KNSTRN: variants seen among roughly 807,000 people sequenced by gnomAD.
The protein encoded by KNSTRN is small kinetochore-associated protein.
In KNSTRN, 38 loss-of-function variants were observed where a neutral mutation model predicts 44.7. The ratio of observed to expected loss-of-function variants is 0.85; its 90% CI spans 0.66 to 1.11. The LOEUF (loss-of-function observed/expected upper bound fraction) is 1.11. Among genes scored for constraint, KNSTRN ranks in the 50% most tolerant of loss-of-function variants. KNSTRN has a pLI of 0.00. For missense variants in KNSTRN, 406 were observed against 375.8 expected (o/e 1.08, Z -0.66); for synonymous variants, 158 against 148.1 (o/e 1.07, Z -0.48).
Position 40,382,906 on chromosome 15 carries a change from C to G in KNSTRN, c.71C>G (p.Ser24Cys). Residue 24 changes from serine (S) to cysteine (C), a missense_variant, in exon 1 of 9, where the codon TCC becomes TGC. Physicochemically the swap from Ser to Cys is moderately radical, Grantham distance 112. Coordinates refer to ENST00000249776, the MANE Select transcript of KNSTRN (RefSeq NM_033286.4). ...RTTWLSTECD[S>C]HPLPPSYRKF... ...ACATGGCTGTCTACAGAGTGCGATTCCCACCCACTTCCGCCTAGCTACCGG... is the reference window on the plus strand; with the variant it reads ...ACATGGCTGTCTACAGAGTGCGATTGCCACCCACTTCCGCCTAGCTACCGG... 1 of 1,612,282 alleles carries G rather than the reference C, an allele frequency of 6.2e-7. No individual in the cohort carries two copies. The highest frequency in any genetic ancestry group is 8.5e-7 in the Non-Finnish European group (1 of 1,180,026).
chr15:40,383,026 A>G lies in KNSTRN; in HGVS notation c.191A>G (p.Gln64Arg). The change falls in exon 1 of 9, where the codon CAG (glutamine) becomes CGG (arginine). Residue 64 changes from glutamine to arginine, a missense_variant. Physicochemically the swap from Gln to Arg is conservative, Grantham distance 43 (BLOSUM62 1). Transcript: ENST00000249776. ...AACGAGAGCGAGAAGGACTGCGGGC[A>G]GGACCGGCGGGCTCCTGGGTTCGGC... ...LLNESEKDCG[Q>R]DRRAPGVQPC... 1 of 1,611,228 alleles carries G rather than the reference A, an allele frequency of 6.2e-7. No homozygotes were observed. The highest frequency in any genetic ancestry group is 8.5e-7 in the Non-Finnish European group (1 of 1,180,012).
intron 2 of KNSTRN, 21 bp downstream of exon 2, chr15:40,383,343 C>A (rs546520581): frequency 1.3e-6 from 2 of 1,578,808 alleles, no homozygotes; most frequent in South Asian, 2.2e-5. Context: ...AAGCCACGCC[C>A]GGGGCACTGC....
chr15:40,386,089 C>T (rs1259069023), intron 2 of KNSTRN, among the ~76,000 whole-genome samples: 2 of 152,096 alleles, frequency 1.3e-5, no homozygotes, highest in Admixed American at 1.3e-4. Flanking sequence ...AATTTTAAAA[C>T]ATATTTGAGG....
chr15:40,391,576 G>C (rs759480604), intron 7 of KNSTRN, 22 bp downstream of exon 7: 1 of 1,600,158 alleles, frequency 6.2e-7, no homozygotes, highest in Non-Finnish European at 8.6e-7. Context: ...GGTGTGAAAG[G>C]GCGCAAGGGC....
chr15:40,386,721 G>A (rs528476582), intron 3 of KNSTRN: 20 of 551,460 alleles, frequency 3.6e-5, no homozygotes, highest in Admixed American at 3.2e-4. Context: ...CTCTTTCATC[G>A]CTTGCTCTGA....
chr15:40,389,750 T>C, intron 5 of KNSTRN, 86 bp from the exon 6 acceptor site: 1 of 1,423,040 alleles, frequency 7.0e-7, no homozygotes, highest in Non-Finnish European at 9.9e-7. Flanking sequence ...GCTTTTGCTA[T>C]GGCTGTCCAA....
At chr15:40,383,757 C>T (rs1184462718) in intron 2 of KNSTRN, among the ~76,000 whole-genome samples, 2 of 152,206 alleles carry the variant, frequency 1.3e-5, no homozygotes, top group African/African-American at 4.8e-5. Flanking sequence ...CCGTGTTTCT[C>T]ATTACCACAT....
In KNSTRN at chr15:40,390,870, C is replaced by T. The variant is rs576296751; in HGVS notation, c.686-623C>T. Among the ~76,000 whole-genome samples, 406 of 152,302 alleles carry T rather than the reference C, an allele frequency of 2.7e-3. 6 individuals carry two copies. Among genetic ancestry groups the T allele is most frequent in the Non-Finnish European group, 8.8e-4 (60 of 68,026 alleles). On this transcript the variant is annotated intron_variant, in intron 6 of 8. Transcript: ENST00000249776. ...CCTCAAGTGATCTGCCTGTCTCGGCCTCCCAGAGTGCTGGGTTTACAGACA... is the reference window on the plus strand; with the variant it reads ...CCTCAAGTGATCTGCCTGTCTCGGCTTCCCAGAGTGCTGGGTTTACAGACA...
At chr15:40,386,554 G>T (rs1889906114) in intron 3 of KNSTRN, 60 bp downstream of exon 3, 2 of 1,576,092 alleles carry the variant, frequency 1.3e-6, no homozygotes, top group Admixed American at 1.8e-5. Flanking sequence ...TCAATACAAA[G>T]AATTAGAAAA....
At position 40,386,003 on chromosome 15, in the gene KNSTRN, A is replaced by G. The variant is rs376378246; in HGVS notation, c.305-359A>G. ...ATCGTGGCTCACGCCAGAGTGGCCAAGGCAGGAGGATTGCTTGAGCCCAGG... is the reference window on the plus strand; with the variant it reads ...ATCGTGGCTCACGCCAGAGTGGCCAGGGCAGGAGGATTGCTTGAGCCCAGG... On this transcript the variant is annotated intron_variant, in intron 2 of 8. Coordinates refer to ENST00000249776, the MANE Select transcript of KNSTRN (RefSeq NM_033286.4). Among the ~76,000 whole-genome samples the G allele has an allele frequency of 5.2e-5, 8 of 152,394 alleles. No individual in the cohort carries two copies. In the East Asian group the frequency reaches 9.6e-4, roughly 18 times the overall value.
At position 40,382,748 on chromosome 15, in the gene KNSTRN, C is replaced by T; in HGVS notation, c.-88C>T. 8.4e-7 allele frequency: 1 copy of T among 1,186,112 alleles called. No homozygotes were observed. The highest frequency in any genetic ancestry group is 1.2e-6 in the Non-Finnish European group (1 of 841,210). The allele number at this position is 1,186,112 out of a possible 1,614,324, so 73.5% of individuals were successfully genotyped here. A position where few individuals can be genotyped will look rare whatever the true frequency, so the allele number is the denominator to read the frequency against. On this transcript the variant is annotated 5_prime_UTR_variant, in exon 1 of 9. Coordinates refer to ENST00000249776, the MANE Select transcript of KNSTRN (RefSeq NM_033286.4). Reference sequence around the variant, plus strand: ...TAGCTCCATTCAAGCCTACAAATTGCATCACCCTCCTCCTCTGCCCAGACC... The same window carrying T: ...TAGCTCCATTCAAGCCTACAAATTGTATCACCCTCCTCCTCTGCCCAGACC...
intron 1 of KNSTRN, 86 bp from the exon 2 acceptor site, chr15:40,383,142 C>G (rs868601438): frequency 1.3e-6 from 2 of 1,579,018 alleles, no homozygotes; most frequent in African/African-American, 1.3e-5. Flanking sequence ...CGAGCCGGGG[C>G]CTGTCGGGTC....
chr15:40,390,194 G>A (rs1889975089), intron 6 of KNSTRN, among the ~76,000 whole-genome samples: 1 of 152,208 alleles, frequency 6.6e-6, no homozygotes, highest in Non-Finnish European at 1.5e-5. Context: ...CAACAGGTAT[G>A]ACCTTGCAAA....
intron 4 of KNSTRN, among the ~76,000 whole-genome samples, chr15:40,388,561 G>A (rs1345793405): frequency 6.6e-6 from 1 of 152,170 alleles, no homozygotes; most frequent in Non-Finnish European, 1.5e-5. Flanking sequence ...CAGGCATGGT[G>A]GCGGGTGCCT....
At chr15:40,386,950 G>A (rs370210661) in intron 3 of KNSTRN, 12 of 593,206 alleles carry the variant, frequency 2.0e-5, no homozygotes, top group East Asian at 8.5e-5. Flanking sequence ...TAGGGTGGTC[G>A]GAGGCATGCC....
intron 4 of KNSTRN, among the ~76,000 whole-genome samples, chr15:40,388,296 TC>T (rs1889935384): frequency 6.6e-6 from 1 of 152,204 alleles, no homozygotes; most frequent in South Asian, 2.1e-4. Context: ...ACTAAAAGTA[TC>T]CCTTATGGGA....
intron 4 of KNSTRN, chr15:40,389,116 A>T: frequency 2.2e-6 from 1 of 451,942 alleles, no homozygotes; most frequent in Non-Finnish European, 4.4e-6. Context: ...ATAGAATGGG[A>T]CGTGTTTGTG....
intron 4 of KNSTRN, 156 bp downstream of exon 4, chr15:40,387,362 C>T (rs1328538107): frequency 1.4e-6 from 1 of 692,002 alleles, no homozygotes; most frequent in Non-Finnish European, 2.7e-6. Flanking sequence ...TGAGGCACAG[C>T]TAGGTGTAAG....
intron 3 of KNSTRN, chr15:40,386,748 A>G: frequency 3.8e-6 from 2 of 529,504 alleles, no homozygotes; most frequent in East Asian, 3.2e-5. Flanking sequence ...AAGTGGCAGC[A>G]CTGTAGTCAT....
Sources: gnomAD v4.1 joint callset for allele counts (sites outside exome capture counted in the v4.1 genomes callset) on GRCh38, gnomAD v4.1.1 for gene constraint, MANE v1.5 for transcripts, NCBI Gene and HGNC (gene_info 2026-07-23, HGNC 2026-07-21) for gene names.